ADGRE1: variants seen among roughly 807,000 people sequenced by gnomAD.
The protein encoded by ADGRE1 is adhesion G protein-coupled receptor E1.
ADGRE1 carries 82 observed loss-of-function variants against 102.7 expected under a neutral mutation model. That is an observed-to-expected ratio of 0.80 (90% confidence interval 0.67 to 0.96). ADGRE1 has a LOEUF of 0.96. Ranked by LOEUF, ADGRE1 falls within the 40% of genes least tolerant of loss-of-function variation. ADGRE1 has a pLI of 0.00. For missense variants in ADGRE1, 1,032 were observed against 1,085.3 expected, an observed-to-expected ratio of 0.95 and a Z score of 0.69; for synonymous variants, 398 against 399.6, an observed-to-expected ratio of 1.00 and a Z score of 0.05.
At position 6,903,970 on chromosome 19, in the gene ADGRE1, G is replaced by A. The variant is rs764191403; in HGVS notation, c.802+20G>A. 6.2e-7 allele frequency: 1 copy of A among 1,614,106 alleles called. No homozygotes were observed. Among genetic ancestry groups the A allele is most frequent in the Non-Finnish European group, 8.5e-7 (1 of 1,180,006 alleles). ...GTAGAGGTGAGCAGAGAGTTTGATG[G>A]ACAATCCAGAAAAGACATTTCTCTT... is the stretch of plus-strand genomic sequence containing the variant. On this transcript the variant is annotated intron_variant, in intron 7 of 20. Transcript: ENST00000312053.
In ADGRE1 at chr19:6,935,034, G is replaced by C. The variant is rs1481392899; in HGVS notation, c.2337G>C (p.Arg779Ser). The change falls in exon 18 of 21, where the codon AGG becomes AGC. Residue 779 changes from arginine to serine, a missense_variant. Arg to Ser is a moderately radical substitution (Grantham distance 110). Coordinates refer to ENST00000312053, the MANE Select transcript of ADGRE1 (RefSeq NM_001974.5). ...LTWTLWILRQ[R>S]LSSVNAEVST... ...GGACCTTGTGGATCCTGAGGCAGAG[G>C]CTTTCCAGTGTTAATGCCGAAGTCT... 4 of 1,600,226 alleles carry C rather than the reference G, an allele frequency of 2.5e-6. No individual in the cohort carries two copies. The highest frequency in any genetic ancestry group is 3.4e-6 in the Non-Finnish European group (4 of 1,172,876).
intron 13 of ADGRE1, 129 bp from the exon 14 acceptor site, chr19:6,921,584 T>TTTCCCCA: frequency 9.1e-7 from 1 of 1,094,160 alleles, no homozygotes; most frequent in Non-Finnish European, 1.3e-6. Context: ...TACCAGCATT[T>TTTCCCCA]TTCCCCATTC....
Position 6,919,645 on chromosome 19 carries a change from G to A in ADGRE1, c.1518G>A (p.Glu506=), listed in dbSNP as rs1337417580. 1.2e-6 allele frequency: 2 copies of A among 1,613,572 alleles called. No individual in the cohort carries two copies. Residue 506 remains glutamate, a synonymous_variant, in exon 13 of 21, where the codon GAG becomes GAA. Transcript: ENST00000312053. The part of the protein sequence containing the change: ...KDHQAPLTTS[E]IKLKMNSRVV... ...ACCAGGCTCCCTTGACCACCTCTGA[G>A]ATCAAGCTGAAGATGAATTCTCGAG...
chr19:6,910,427 A>T (rs1473602943), intron 10 of ADGRE1, among the ~76,000 whole-genome samples: 1 of 152,148 alleles, frequency 6.6e-6, no homozygotes, highest in Non-Finnish European at 1.5e-5. Flanking sequence ...AATAATTCAG[A>T]TTCTTTTAGA....
Position 6,915,266 on chromosome 19 carries a change from C to T in ADGRE1, c.1301-983C>T, listed in dbSNP as rs533355593. 1.4e-4 allele frequency among the ~76,000 whole-genome samples: 22 copies of T among 152,238 alleles called. No homozygotes were observed. The South Asian group carries it at 4.6e-3, about 32-fold the overall frequency. ...CAAGTGATCCTCCTGCTCGGCCTCC[C>T]AAAGTACTAGGATTACAGGCCTGAA... On this transcript the variant is annotated intron_variant, in intron 11 of 20. Coordinates refer to ENST00000312053, the MANE Select transcript of ADGRE1 (RefSeq NM_001974.5).
chr19:6,920,515 G>GTTTTT (rs1568355076), intron 13 of ADGRE1, among the ~76,000 whole-genome samples: 75 of 68,002 alleles, frequency 1.1e-3, no homozygotes, highest in Non-Finnish European at 2.0e-3. Context: ...CACCATGCCC[G>GTTTTT]CTTTTTTTTT....
At chr19:6,896,264 G>T in intron 2 of ADGRE1, 134 bp from the exon 3 acceptor site, 4 of 819,224 alleles carry the variant, frequency 4.9e-6, no homozygotes. Context: ...CCAGGGTTTA[G>T]GACTGTAACG....
chr19:6,890,602 G>A (rs1200401667), intron 2 of ADGRE1, 59 bp downstream of exon 2: 1 of 1,561,680 alleles, frequency 6.4e-7, no homozygotes, highest in Non-Finnish European at 8.7e-7. Context: ...TTCTCCCCGG[G>A]GAAACATCCC....
Position 6,903,863 on chromosome 19 carries a change from C to A in ADGRE1, c.715C>A (p.Pro239Thr). ...CATCAATTCAACATGCACCAACACT[C>A]CTGGGAGCTACTTTTGCACCTGCCA... ...CPINSTCTNT[P>T]GSYFCTCHPG... Residue 239 changes from proline to threonine, a missense_variant, in exon 7 of 21, where the codon CCT becomes ACT. Coordinates refer to ENST00000312053, the MANE Select transcript of ADGRE1 (RefSeq NM_001974.5). The A allele has an allele frequency of 6.2e-7, 1 of 1,614,204 alleles. No homozygotes were observed. Among genetic ancestry groups the A allele is most frequent in the Non-Finnish European group, 8.5e-7 (1 of 1,180,038 alleles).
Position 6,924,837 on chromosome 19 carries a change from C to G in ADGRE1, c.1951C>G (p.Leu651Val), listed in dbSNP as rs1485974402. 3 of 1,614,174 alleles carry G rather than the reference C, an allele frequency of 1.9e-6. No individual in the cohort carries two copies. The highest frequency in any genetic ancestry group is 1.3e-5 in the African/African-American group (1 of 75,040). The change falls in exon 15 of 21, where the codon CTC becomes GTC. Residue 651 changes from leucine (L) to valine (V), a missense_variant. Leu to Val is a conservative substitution (Grantham distance 32). Transcript: ENST00000312053. ...CGTGTGTCTCCTCTTGGCGAAGACT[C>G]TCTTCCTCGCCGGTATACACAAGAC... ...LCVCLLLAKTLFLAGIHKTDN... is the reference protein window; with the variant it reads ...LCVCLLLAKTVFLAGIHKTDN...
intron 6 of ADGRE1, among the ~76,000 whole-genome samples, 162 bp downstream of exon 6, chr19:6,902,183 C>T (rs1352187215): frequency 6.6e-6 from 1 of 152,166 alleles, no homozygotes; most frequent in Non-Finnish European, 1.5e-5. Context: ...TGAGCACTTA[C>T]AGTATACGTG....
At chr19:6,938,149 C>T (rs949683989) in intron 20 of ADGRE1, among the ~76,000 whole-genome samples, 8 of 151,936 alleles carry the variant, frequency 5.3e-5, no homozygotes, top group African/African-American at 1.9e-4. Context: ...CCAACCTGGC[C>T]AACATGGCAA....
intron 17 of ADGRE1, among the ~76,000 whole-genome samples, chr19:6,930,315 C>T (rs900303677): frequency 3.9e-4 from 60 of 152,242 alleles, no homozygotes; most frequent in African/African-American, 1.4e-3. Flanking sequence ...TGTTAAACAC[C>T]CATCTCTTTG....
rs759299541 is a variant in ADGRE1, at chr19:6,926,384, G to T, written c.2005G>T (p.Ala669Ser). Residue 669 changes from alanine (A) to serine (S), a missense_variant, in exon 16 of 21, where the codon GCG (alanine) becomes TCG (serine). Transcript: ENST00000312053. ...CCTCCAGATGGGCTGCGCCATCATC[G>T]CGGGCTTCCTGCACTACCTTTTCCT... ...TDNKMGCAIIAGFLHYLFLAC... is the reference protein window; with the variant it reads ...TDNKMGCAIISGFLHYLFLAC... 25 of 1,614,106 alleles carry T rather than the reference G, an allele frequency of 1.5e-5. No individual in the cohort carries two copies. The highest frequency in any genetic ancestry group is 2.1e-5 in the Non-Finnish European group (25 of 1,180,040).
At chr19:6,938,420 A>G (rs934972725) in intron 20 of ADGRE1, among the ~76,000 whole-genome samples, 4 of 152,202 alleles carry the variant, frequency 2.6e-5, no homozygotes, top group Non-Finnish European at 4.4e-5. Flanking sequence ...TAACATTTAT[A>G]TATGTAGATT....
chr19:6,889,120 T>C (rs1973253136), intron 1 of ADGRE1, among the ~76,000 whole-genome samples: 1 of 151,656 alleles, frequency 6.6e-6, no homozygotes, highest in Admixed American at 6.6e-5. Flanking sequence ...GTGATGATGA[T>C]AATGGTGATG....
At chr19:6,936,829 A>G (rs2445795) in intron 18 of ADGRE1, among the ~76,000 whole-genome samples, 105,181 of 151,628 alleles carry the variant, frequency 0.69, 36,745 homozygotes, top group Non-Finnish European at 0.74. Context: ...CACCATGTTA[A>G]CCAGGCTGGG....
At chr19:6,898,251 A>G in intron 5 of ADGRE1, 1 of 1,488,164 alleles carries the variant, frequency 6.7e-7, no homozygotes, top group Non-Finnish European at 9.1e-7. Flanking sequence ...TTTTTTTGGC[A>G]AAATACAGTC....
Position 6,896,475 on chromosome 19 carries a change from T to C in ADGRE1, c.172T>C (p.Cys58Arg). Residue 58 changes from cysteine to arginine, a missense_variant, in exon 3 of 21, where the codon TGC becomes CGC. Transcript: ENST00000312053. ...TACAGTGGACAGTTACTATTGCGCT[T>C]GCAAACAAGGCTTCCTGTCCAGCAA... ...TNTVDSYYCA[C>R]KQGFLSSNGQ... is the part of the protein sequence containing the mutation. The C allele has an allele frequency of 6.2e-7, 1 of 1,614,154 alleles. No homozygotes were observed. Among genetic ancestry groups the C allele is most frequent in the Non-Finnish European group, 8.5e-7 (1 of 1,179,994 alleles).
Sources: allele counts gnomAD v4.1 joint callset (sites outside exome capture counted in the v4.1 genomes callset), GRCh38; gene constraint gnomAD v4.1.1; transcripts MANE v1.5; gene names NCBI Gene and HGNC (gene_info 2026-07-23, HGNC 2026-07-21).